The following SRD5A3 variants were observed in gnomAD, a reference collection of about 807,000 sequenced individuals.
SRD5A3 encodes polyprenal reductase.
SRD5A3 carries 24 observed loss-of-function variants against 34.3 expected under a neutral mutation model. That is an observed-to-expected ratio of 0.70 (90% CI 0.51 to 0.99). SRD5A3 has a LOEUF of 0.99. Ranked by LOEUF, SRD5A3 falls within the 50% of genes least tolerant of loss-of-function variation. The probability of loss-of-function intolerance (pLI) is 0.00; values close to 1 mark genes in which losing one functional copy is unlikely to be tolerated. For synonymous variants in SRD5A3, 161 were observed against 167.3 expected (o/e 0.96, Z 0.29); for missense variants, 350 against 388.2 (o/e 0.90, Z 0.83).
chr4:55,347,531 G>A (rs1329295936), intron 1 of SRD5A3, among the ~76,000 whole-genome samples: 3 of 152,196 alleles, frequency 2.0e-5, no homozygotes, highest in African/African-American at 7.2e-5. Context: ...TTGGAATGAA[G>A]GCAGGAAGAT....
In SRD5A3 at chr4:55,363,995, T is replaced by C. The variant is rs1220226448; in HGVS notation, c.365-79T>C. On this transcript the variant is annotated intron_variant, in intron 2 of 4. Coordinates refer to ENST00000264228, the MANE Select transcript of SRD5A3 (RefSeq NM_024592.5). ...AGATGTTAGATGGGATTTAATACTT[T>C]GCTTAACAGTACAGAAAAACAAAAC... 7.1e-6 allele frequency: 10 copies of C among 1,406,874 alleles called. No homozygotes were observed. In the East Asian group the frequency reaches 1.8e-4, roughly 26 times the overall value. The allele number at this position is 1,406,874 out of a possible 1,614,324, so 87.1% of individuals were successfully genotyped here. A position where few individuals can be genotyped will look rare whatever the true frequency, so the allele number is the denominator to read the frequency against.
chr4:55,352,458 C>A, intron 1 of SRD5A3: 1 of 695,310 alleles, frequency 1.4e-6, no homozygotes, highest in Non-Finnish European at 2.7e-6. Flanking sequence ...AGGGCTGTAG[C>A]CTTCACGAAA....
intron 2 of SRD5A3, among the ~76,000 whole-genome samples, chr4:55,360,108 G>A (rs6821268): frequency 0.021 from 3,208 of 152,108 alleles, 118 homozygotes; most frequent in African/African-American, 0.074. Flanking sequence ...CCAGCTACTC[G>A]GGAGGCTGAG....
rs3034886 is a variant in SRD5A3, at chr4:55,370,431, T to TCACACA, written c.*377_*382dup. 0.022 allele frequency: 5,079 copies of TCACACA among 225,774 alleles called. 96 individuals are homozygous for TCACACA. Among genetic ancestry groups the TCACACA allele is most frequent in the African/African-American group, 0.049 (1,994 of 40,534 alleles). The allele number at this position is 225,774 out of a possible 1,614,324, so 14.0% of individuals were successfully genotyped here. A position where few individuals can be genotyped will look rare whatever the true frequency, so the allele number is the denominator to read the frequency against. The stretch of plus-strand genomic sequence containing the variant: ...AAAAACCGAAAATATACAAACAGCT[T>TCACACA]CACACACACACACACACACACACAC... On this transcript the variant is annotated 3_prime_UTR_variant, in exon 5 of 5. Transcript: ENST00000264228.
At chr4:55,352,334 T>C in intron 1 of SRD5A3, 1 of 790,844 alleles carries the variant, frequency 1.3e-6, no homozygotes, top group Non-Finnish European at 2.3e-6. Context: ...TATCCTTTTC[T>C]GTAAGCCTCT....
intron 2 of SRD5A3, among the ~76,000 whole-genome samples, chr4:55,361,852 A>G (rs7697835): frequency 0.19 from 29,150 of 152,062 alleles, 2,991 homozygotes; most frequent in African/African-American, 0.23. Flanking sequence ...GGTAGGCTAC[A>G]TCAGCGGATC....
chr4:55,353,611 C>A (rs898564843), intron 1 of SRD5A3, among the ~76,000 whole-genome samples: 1 of 152,210 alleles, frequency 6.6e-6, no homozygotes. Flanking sequence ...CTCTTTGGGT[C>A]TGCACTACCT....
At chr4:55,351,446 C>T (rs1719188825) in intron 1 of SRD5A3, among the ~76,000 whole-genome samples, 1 of 151,986 alleles carries the variant, frequency 6.6e-6, no homozygotes, top group Non-Finnish European at 1.5e-5. Flanking sequence ...AGCACAGTGG[C>T]TCACACCTGC....
chr4:55,358,860 T>G (rs1719571778), intron 1 of SRD5A3: 2 of 166,890 alleles, frequency 1.2e-5, no homozygotes, highest in African/African-American at 4.8e-5. Flanking sequence ...TGCCTGAAGA[T>G]CTTTTACTTC....
At chr4:55,349,351 TAAAAATG>T (rs1312818971) in intron 1 of SRD5A3, among the ~76,000 whole-genome samples, 2 of 152,224 alleles carry the variant, frequency 1.3e-5, no homozygotes, top group Non-Finnish European at 2.9e-5. Context: ...GCAGTACTCT[TAAAAATG>T]AAAATAAGTT....
At chr4:55,356,853 A>G (rs1280331967) in intron 1 of SRD5A3, among the ~76,000 whole-genome samples, 1 of 152,120 alleles carries the variant, frequency 6.6e-6, no homozygotes, top group East Asian at 1.9e-4. Context: ...CACGTCACTC[A>G]TCTGCCCAAA....
intron 1 of SRD5A3, among the ~76,000 whole-genome samples, chr4:55,357,351 T>C (rs1479523571): frequency 6.6e-6 from 1 of 152,260 alleles, no homozygotes; most frequent in Non-Finnish European, 1.5e-5. Context: ...GTAAAGTGGC[T>C]GGTCCAGAAA....
intron 2 of SRD5A3, among the ~76,000 whole-genome samples, chr4:55,362,516 A>AT (rs1719723011): frequency 6.6e-6 from 1 of 151,934 alleles, no homozygotes; most frequent in African/African-American, 2.4e-5. Context: ...GTGCCGTGGC[A>AT]TGATCATAGC....
chr4:55,366,837 C>T (rs566597382), intron 3 of SRD5A3: 1 of 152,476 alleles, frequency 6.6e-6, no homozygotes, highest in South Asian at 2.1e-4. Context: ...TTTTCTGAAG[C>T]CAGTGGTTTG....
chr4:55,347,269 A>G (rs1719031403), intron 1 of SRD5A3, among the ~76,000 whole-genome samples: 1 of 152,244 alleles, frequency 6.6e-6, no homozygotes, highest in Non-Finnish European at 1.5e-5. Context: ...CTTTAAATTC[A>G]GGACATAGCT....
intron 2 of SRD5A3, among the ~76,000 whole-genome samples, chr4:55,359,870 A>G (rs1719610011): frequency 6.6e-6 from 1 of 152,240 alleles, no homozygotes; most frequent in Admixed American, 6.5e-5. Context: ...TATCATTTAT[A>G]CTGTTCCAAC....
At position 55,359,505 on chromosome 4, in the gene SRD5A3, C is replaced by T. The variant is rs974539540; in HGVS notation, c.364+17C>T. The stretch of plus-strand genomic sequence containing the variant: ...AGTTCCAGGGTAAGGACTCCCTGGG[C>T]TTATGACAACGCTGCATCCCGTTTC... On this transcript the variant is annotated intron_variant, in intron 2 of 4. Transcript: ENST00000264228. The T allele has an allele frequency of 6.2e-7, 1 of 1,613,866 alleles. No individual in the cohort carries two copies. Among genetic ancestry groups the T allele is most frequent in the Non-Finnish European group, 8.5e-7 (1 of 1,179,984 alleles).
chr4:55,348,324 A>AT (rs1414572353), intron 1 of SRD5A3, among the ~76,000 whole-genome samples: 1 of 152,186 alleles, frequency 6.6e-6, no homozygotes, highest in Non-Finnish European at 1.5e-5. Flanking sequence ...AATGAAAGGC[A>AT]TTTTTATTGT....
At chr4:55,360,507 A>G (rs1253897247) in intron 2 of SRD5A3, among the ~76,000 whole-genome samples, 1 of 152,034 alleles carries the variant, frequency 6.6e-6, no homozygotes, top group Admixed American at 6.6e-5. Context: ...ACTTTGTCTC[A>G]AAAAAATAAA....
Sources: gnomAD v4.1 joint callset for allele counts (sites outside exome capture counted in the v4.1 genomes callset) on GRCh38, gnomAD v4.1.1 for gene constraint, MANE v1.5 for transcripts, NCBI Gene and HGNC (gene_info 2026-07-23, HGNC 2026-07-21) for gene names.